INTS13: variants seen among roughly 807,000 people sequenced by gnomAD.
The protein encoded by INTS13 is asunder, spermatogenesis regulator homolog (Drosphila).
INTS13 carries 35 observed loss-of-function variants against 90.2 expected under a neutral mutation model. The observed-to-expected ratio is 0.39, with a 90% confidence interval of 0.30 to 0.51. The LOEUF is 0.51. INTS13 is among the 20% of genes least tolerant of loss of function. The probability of loss-of-function intolerance (pLI) is 0.80; values close to 1 mark genes in which losing one functional copy is unlikely to be tolerated. For synonymous variants in INTS13, 309 were observed against 277.1 expected (o/e 1.11, Z -1.14); for missense variants, 601 against 851.2 (o/e 0.71, Z 3.66).
intron 8 of INTS13, among the ~76,000 whole-genome samples, chr12:26,920,095 T>C (rs1952064509): frequency 6.7e-6 from 1 of 148,874 alleles, no homozygotes; most frequent in African/African-American, 2.5e-5. Context: ...GTCACTGCAC[T>C]CCAGCCTGGG....
Position 26,916,153 on chromosome 12 carries a change from C to T in INTS13, c.1097G>A (p.Arg366Gln). ...ACTAATGACTTTAGAACCTGACTTT[C>T]GTGGTTGTTCCAATAAAACAGAACG... ...NGRSVLLEQPRKSGSKVISHM... is the reference protein window; with the variant it reads ...NGRSVLLEQPQKSGSKVISHM... Residue 366 changes from arginine (R) to glutamine (Q), a missense_variant, in exon 11 of 17, where the codon CGA (arginine) becomes CAA (glutamine). By Grantham distance (43) the Arg-to-Gln change is conservative. Around this residue, in one of 3 missense-constraint regions of INTS13, gnomAD observed 89 missense variants for 191.0 expected, o/e 0.47. Transcript: ENST00000261191. 6.2e-7 allele frequency: 1 copy of T among 1,611,448 alleles called. No individual in the cohort carries two copies. Among genetic ancestry groups the T allele is most frequent in the Non-Finnish European group, 8.5e-7 (1 of 1,179,066 alleles).
chr12:26,928,759 C>A lies in INTS13; in HGVS notation c.447G>T (p.Glu149Asp). 1.2e-6 allele frequency: 2 copies of A among 1,614,136 alleles called. No homozygotes were observed. The highest frequency in any genetic ancestry group is 2.2e-5 in the East Asian group (1 of 44,876). Residue 149 changes from glutamate (E) to aspartate (D), a missense_variant, in exon 4 of 17, where the codon GAG becomes GAT. Around this residue, in one of 3 missense-constraint regions of INTS13, gnomAD observed 284 missense variants for 387.7 expected, o/e 0.73. Transcript: ENST00000261191. Reference protein sequence around the residue: ...YQHEARTLLMENAERVGNRGR... With the variant: ...YQHEARTLLMDNAERVGNRGR... ...CTCTATTTCCAACACGTTCTGCATT[C>A]TCCATGAGTAGAGTACGAGCCTCAT...
intron 16 of INTS13, among the ~76,000 whole-genome samples, chr12:26,905,911 C>A (rs1287351862): frequency 6.6e-6 from 1 of 152,028 alleles, no homozygotes; most frequent in East Asian, 1.9e-4. Context: ...AAGAGGATTT[C>A]TTCTAAAAAA....
At chr12:26,917,778 A>G (rs1172174581) in intron 8 of INTS13, 45 bp from the exon 9 acceptor site, 2 of 1,334,342 alleles carry the variant, frequency 1.5e-6, no homozygotes, top group Non-Finnish European at 2.2e-6. Flanking sequence ...TACATGTATC[A>G]AAACATCACA....
rs781402419 is a variant in INTS13, at chr12:26,917,436, G to A, written c.985C>T (p.His329Tyr). ...CTPRTNNIEL[H>Y]YCTGAYRISP... is the part of the protein sequence containing the mutation. Reference sequence around the variant, plus strand: ...ATCCGATAAGCTCCAGTACAATAGTGTAATTCTGAAATAGAAGAAAACACT... The same window carrying A: ...ATCCGATAAGCTCCAGTACAATAGTATAATTCTGAAATAGAAGAAAACACT... The change falls in exon 10 of 17, where the codon CAC becomes TAC. Residue 329 changes from histidine to tyrosine, a missense_variant. His to Tyr is a moderately conservative substitution (Grantham distance 83). Coordinates refer to ENST00000261191, the MANE Select transcript of INTS13 (RefSeq NM_018164.3). 2 of 1,520,420 alleles carry A rather than the reference G, an allele frequency of 1.3e-6. No individual in the cohort carries two copies. Among genetic ancestry groups the A allele is most frequent in the Non-Finnish European group, 1.8e-6 (2 of 1,109,438 alleles). 94.2% of individuals were successfully genotyped at this position (1,520,420 alleles called of 1,614,324 possible). A position where few individuals can be genotyped will look rare whatever the true frequency, so the allele number is the denominator to read the frequency against.
chr12:26,936,990 G>A (rs1938497993), intron 1 of INTS13, among the ~76,000 whole-genome samples, 176 bp from the exon 2 acceptor site: 1 of 152,110 alleles, frequency 6.6e-6, no homozygotes, highest in Non-Finnish European at 1.5e-5. Flanking sequence ...CAGAAAGCAA[G>A]GGTATCAATA....
At chr12:26,934,090 A>G (rs1415139544) in intron 3 of INTS13, among the ~76,000 whole-genome samples, 1 of 152,192 alleles carries the variant, frequency 6.6e-6, no homozygotes, top group East Asian at 1.9e-4. Context: ...CCTGGCCAAC[A>G]TGGCTAAACC....
At chr12:26,935,412 C>T (rs1052688919) in intron 2 of INTS13, among the ~76,000 whole-genome samples, 2 of 152,158 alleles carry the variant, frequency 1.3e-5, no homozygotes, top group Non-Finnish European at 2.9e-5. Flanking sequence ...CCCTATATAT[C>T]GATGAAATAC....
At chr12:26,931,684 C>G (rs1453141327) in intron 3 of INTS13, among the ~76,000 whole-genome samples, 1 of 152,176 alleles carries the variant, frequency 6.6e-6, no homozygotes, top group East Asian at 1.9e-4. Flanking sequence ...CTACTAGTAA[C>G]TCAGTATCTT....
intron 14 of INTS13, among the ~76,000 whole-genome samples, chr12:26,912,763 T>C (rs141570752): frequency 6.6e-6 from 1 of 151,592 alleles, no homozygotes; most frequent in East Asian, 1.9e-4. Context: ...AGTCTTACTC[T>C]ATTGCCCAGG....
intron 8 of INTS13, among the ~76,000 whole-genome samples, chr12:26,919,538 T>C (rs1178868990): frequency 1.3e-5 from 2 of 152,172 alleles, no homozygotes; most frequent in Non-Finnish European, 2.9e-5. Context: ...TGTGAGATAC[T>C]AGGTAAGGAA....
intron 3 of INTS13, among the ~76,000 whole-genome samples, chr12:26,932,073 G>A (rs1938222724): frequency 1.5e-5 from 2 of 132,610 alleles, no homozygotes; most frequent in Non-Finnish European, 3.1e-5. Context: ...GGCAACAAGA[G>A]TGAAACTCAG....
chr12:26,920,077 A>G (rs1236345775), intron 8 of INTS13, among the ~76,000 whole-genome samples: 1 of 151,696 alleles, frequency 6.6e-6, no homozygotes, highest in Non-Finnish European at 1.5e-5. Context: ...GCAGTGAGCC[A>G]AGATCGCGTC....
intron 3 of INTS13, 136 bp from the exon 4 acceptor site, chr12:26,929,041 A>G: frequency 4.2e-6 from 3 of 722,702 alleles, no homozygotes; most frequent in Non-Finnish European, 6.7e-6. Flanking sequence ...GTAGCAAACC[A>G]AATCCAGTAA....
chr12:26,929,028 ATAG>A, intron 3 of INTS13, 123 bp from the exon 4 acceptor site: 1 of 863,568 alleles, frequency 1.2e-6, no homozygotes, highest in African/African-American at 1.7e-5. Context: ...TCTTAAAAAA[ATAG>A]TAGCAAACCA....
At chr12:26,933,485 T>C (rs1565838019) in intron 3 of INTS13, among the ~76,000 whole-genome samples, 1 of 152,174 alleles carries the variant, frequency 6.6e-6, no homozygotes, top group East Asian at 1.9e-4. Context: ...TTGTGGAGTA[T>C]ATAATGCCCT....
upstream of INTS13, chr12:26,938,095 C>G (rs529211432): frequency 6.5e-6 from 1 of 152,686 alleles, no homozygotes. Flanking sequence ...GCGTCCCAGT[C>G]GCCGAACAGG....
At chr12:26,913,429 T>A in intron 14 of INTS13, 28 bp downstream of exon 14, 1 of 1,563,876 alleles carries the variant, frequency 6.4e-7, no homozygotes, top group Non-Finnish European at 8.8e-7. Flanking sequence ...AAAGGCACCA[T>A]GGTGCTATAT....
At position 26,925,762 on chromosome 12, in the gene INTS13, T is replaced by C; in HGVS notation, c.674A>G (p.Glu225Gly). 6.2e-7 allele frequency: 1 copy of C among 1,604,964 alleles called. No homozygotes were observed. Among genetic ancestry groups the C allele is most frequent in the Non-Finnish European group, 8.5e-7 (1 of 1,173,186 alleles). ...DSLVSDRSKK[E>G]LSPVLTSEVH... is the part of the protein sequence containing the mutation. Reference sequence around the variant, plus strand: ...TTCTTTCATTATTTCAACACTCACCTCTTTTTTAGAACGATCAGATACAAG... The same window carrying C: ...TTCTTTCATTATTTCAACACTCACCCCTTTTTTAGAACGATCAGATACAAG... The change falls in exon 6 of 17, where the codon GAG (glutamate) becomes GGG (glycine). Residue 225 changes from glutamate (E) to glycine (G), a missense_variant and splice_region_variant. Coordinates refer to ENST00000261191, the MANE Select transcript of INTS13 (RefSeq NM_018164.3).
Sources: gnomAD v4.1 joint callset for allele counts (sites outside exome capture counted in the v4.1 genomes callset) on GRCh38, gnomAD v4.1.1 for gene constraint, gnomAD v4.1.1 regional missense constraint, MANE v1.5 for transcripts, NCBI Gene and HGNC (gene_info 2026-07-23, HGNC 2026-07-21) for gene names.